Variants in NDUFAF7 observed in about 807,000 individuals in gnomAD.
The protein encoded by NDUFAF7 is NADH:ubiquinone oxidoreductase complex assembly factor 7.
NDUFAF7 carries 48 observed loss-of-function variants against 47.2 expected under a neutral mutation model. The observed-to-expected ratio is 1.02, with a 90% CI of 0.81 to 1.29. NDUFAF7 has a LOEUF of 1.29. Ranked by LOEUF, NDUFAF7 falls within the 50% of genes most tolerant of loss-of-function variation. NDUFAF7 has a pLI of 0.00. For missense variants in NDUFAF7, 635 were observed against 537.6 expected, an observed-to-expected ratio of 1.18 and a Z score of -1.79; for synonymous variants, 217 against 190.0, an observed-to-expected ratio of 1.14 and a Z score of -1.17.
downstream of NDUFAF7, among the ~76,000 whole-genome samples, chr2:37,249,788 A>T (rs963869058): frequency 1.3e-5 from 2 of 152,134 alleles, no homozygotes; most frequent in Non-Finnish European, 1.5e-5. Context: ...AGAGTTAGAG[A>T]ATTATTAATT....
chr2:37,251,357 C>A (rs1367789148), downstream of NDUFAF7: 1 of 152,520 alleles, frequency 6.6e-6, no homozygotes, highest in Non-Finnish European at 1.5e-5. Flanking sequence ...TACTACTGGT[C>A]TCAAATACTA....
At chr2:37,253,082 G>T, downstream of NDUFAF7, 2 of 1,255,426 alleles carry the variant, frequency 1.6e-6, no homozygotes, top group Non-Finnish European at 2.2e-6. Flanking sequence ...TCATATCTTT[G>T]CAGCACTGCA....
chr2:37,243,881 C>G lies in NDUFAF7; in HGVS notation c.700C>G (p.Arg234Gly). ...TGTTTAGAAAACACCACAGGGATGG[C>G]GAGAAGTATTTGTTGACATTGATCC... ...HKFQKTPQGW[R>G]EVFVDIDPQV... Residue 234 changes from arginine to glycine, a missense_variant, in exon 7 of 10, where the codon CGA (arginine) becomes GGA (glycine). Arg to Gly is a moderately radical substitution (Grantham distance 125). Transcript: ENST00000002125. 1 of 1,613,896 alleles carries G rather than the reference C, an allele frequency of 6.2e-7. No individual in the cohort carries two copies. The highest frequency in any genetic ancestry group is 1.1e-5 in the South Asian group (1 of 91,068).
At chr2:37,235,467 A>C (rs531230799) in intron 2 of NDUFAF7, among the ~76,000 whole-genome samples, 1 of 152,162 alleles carries the variant, frequency 6.6e-6, no homozygotes, top group African/African-American at 2.4e-5. Flanking sequence ...AGGAGTAGGC[A>C]GGGTCTTGCT....
intron 5 of NDUFAF7, 130 bp downstream of exon 5, chr2:37,241,921 A>G (rs1666392330): frequency 1.3e-6 from 1 of 759,074 alleles, no homozygotes; most frequent in African/African-American, 1.8e-5. Flanking sequence ...CATAGAGAGT[A>G]GCCTACTTTT....
chr2:37,243,367 A>G (rs7579990), intron 6 of NDUFAF7, among the ~76,000 whole-genome samples: 101,434 of 152,012 alleles, frequency 0.67, 34,361 homozygotes, highest in East Asian at 0.98. Flanking sequence ...CATGAGAATC[A>G]CTTGAACCCA....
At chr2:37,263,324 T>C in the NDUFAF7 span, among the ~76,000 whole-genome samples, 1 of 152,190 alleles carries the variant, frequency 6.6e-6, no homozygotes, top group Non-Finnish European at 1.5e-5. Flanking sequence ...ATTTTGTAAT[T>C]TATTTCTGCT....
At position 37,248,148 on chromosome 2, in the gene NDUFAF7, A is replaced by G; in HGVS notation, c.1124A>G (p.Lys375Arg). The change falls in exon 10 of 10, where the codon AAA becomes AGA. Residue 375 changes from lysine to arginine, a missense_variant. Lys to Arg is a conservative substitution (Grantham distance 26, BLOSUM62 2). Coordinates refer to ENST00000002125, the MANE Select transcript of NDUFAF7 (RefSeq NM_144736.5). ...IDVRLKVLLD[K>R]SNEPSVRQQL... ...TTTTCTTTTCAGGTTCTTTTAGATA[A>G]ATCAAATGAGCCATCAGTGAGGCAG... 6.2e-7 allele frequency: 1 copy of G among 1,613,586 alleles called. No individual in the cohort carries two copies. The highest frequency in any genetic ancestry group is 8.5e-7 in the Non-Finnish European group (1 of 1,179,598).
downstream of NDUFAF7, chr2:37,253,487 T>C (rs1403049787): frequency 1.1e-5 from 7 of 634,694 alleles, no homozygotes; most frequent in Non-Finnish European, 1.5e-5. Flanking sequence ...AAGTATCTAC[T>C]ATGTACTAAG....
At chr2:37,233,055 A>C (rs1324100411) in intron 2 of NDUFAF7, among the ~76,000 whole-genome samples, 1 of 152,202 alleles carries the variant, frequency 6.6e-6, no homozygotes, top group Non-Finnish European at 1.5e-5. Context: ...TAGGTGGCTT[A>C]GACTAGTGTG....
rs956351840 is a variant in NDUFAF7 at position 37,248,782 on chromosome 2, T to C, written c.*432T>C. On this transcript the variant is annotated 3_prime_UTR_variant, in exon 10 of 10. Coordinates refer to ENST00000002125, the MANE Select transcript of NDUFAF7 (RefSeq NM_144736.5). ...ATACAAAACTAGCCGGGTATGGTGG[T>C]ACATGCCTGTAATCCCAGCTACTCA... 2.6e-5 allele frequency: 6 copies of C among 228,414 alleles called. No individual in the cohort carries two copies. Among genetic ancestry groups the C allele is most frequent in the South Asian group, 6.0e-5 (1 of 16,650 alleles). 14.1% of individuals were successfully genotyped at this position (228,414 alleles called of 1,614,324 possible). A position where few individuals can be genotyped will look rare whatever the true frequency, so the allele number is the denominator to read the frequency against.
chr2:37,231,785 C>G (rs757522856), intron 1 of NDUFAF7, 25 bp downstream of exon 1: 1 of 1,613,920 alleles, frequency 6.2e-7, no homozygotes. Flanking sequence ...CCTCGAAGCC[C>G]GGTTGCCGTG....
intron 2 of NDUFAF7, 145 bp downstream of exon 2, chr2:37,232,411 T>C: frequency 9.0e-7 from 1 of 1,109,016 alleles, no homozygotes; most frequent in Non-Finnish European, 1.4e-6. Context: ...TGGGGACAGA[T>C]AATTTGTCAG....
rs375366103 is a variant in NDUFAF7 at position 37,247,692 on chromosome 2, A to G, written c.1110+63A>G. On this transcript the variant is annotated intron_variant, in intron 9 of 9. Coordinates refer to ENST00000002125, the MANE Select transcript of NDUFAF7 (RefSeq NM_144736.5). ...CATAGTATTTCAAAAATTACTTTAA[A>G]TAGTATGTTCACCTGGCCTTAATGC... 1,225 of 1,575,664 alleles carry G rather than the reference A, an allele frequency of 7.8e-4. 18 individuals carry two copies. The South Asian group carries it at 0.013, about 17-fold the overall frequency.
chr2:37,247,240 G>T (rs1667024786), intron 8 of NDUFAF7: 2 of 600,054 alleles, frequency 3.3e-6, no homozygotes, highest in Admixed American at 6.0e-5. Context: ...TTATGGCTGT[G>T]TAGTAGTTTG....
rs764312913 is a variant in NDUFAF7 at position 37,241,776 on chromosome 2, C to T, written c.607C>T (p.His203Tyr). ...TCCAATTTCCTGGTACCGAGATCTGCACGATGTTCCAAAAGGTAATTACCT... is the reference window on the plus strand; with the variant it reads ...TCCAATTTCCTGGTACCGAGATCTGTACGATGTTCCAAAAGGTAATTACCT... ...GIPISWYRDL[H>Y]DVPKGYSFYL... The change falls in exon 5 of 10, where the codon CAC (histidine) becomes TAC (tyrosine). Residue 203 changes from histidine to tyrosine, a missense_variant. Transcript: ENST00000002125. 1 of 1,613,420 alleles carries T rather than the reference C, an allele frequency of 6.2e-7. No individual in the cohort carries two copies. Among genetic ancestry groups the T allele is most frequent in the Admixed American group, 1.7e-5 (1 of 60,002 alleles).
chr2:37,271,089 TC>T, the NDUFAF7 span, among the ~76,000 whole-genome samples: 2 of 152,220 alleles, frequency 1.3e-5, no homozygotes, highest in Non-Finnish European at 2.9e-5. Flanking sequence ...AGTCCAATCT[TC>T]ATTGCAGTCT....
chr2:37,250,085 ATG>A (rs1389740547), downstream of NDUFAF7, among the ~76,000 whole-genome samples: 1 of 151,080 alleles, frequency 6.6e-6, no homozygotes, highest in Non-Finnish European at 1.5e-5. Context: ...GGTGTATTTT[ATG>A]TGTGGCACAA....
chr2:37,241,349 A>C (rs946751270), intron 4 of NDUFAF7, among the ~76,000 whole-genome samples: 1 of 152,116 alleles, frequency 6.6e-6, no homozygotes, highest in Non-Finnish European at 1.5e-5. Flanking sequence ...GTTAATCATA[A>C]TTTATCATTA....
Sources: allele counts gnomAD v4.1 joint callset (sites outside exome capture counted in the v4.1 genomes callset), GRCh38; gene constraint gnomAD v4.1.1; transcripts MANE v1.5; gene names NCBI Gene and HGNC (gene_info 2026-07-23, HGNC 2026-07-21).